The following PPFIA2 variants were observed in gnomAD, a reference collection of about 807,000 sequenced individuals.
PPFIA2 encodes liprin-alpha-2.
In PPFIA2, 46 loss-of-function variants were observed where a neutral mutation model predicts 175.5. The ratio of observed to expected loss-of-function variants is 0.26; its 90% CI spans 0.21 to 0.34. The LOEUF is 0.34. PPFIA2 is among the 10% of genes least tolerant of loss of function. The pLI, the probability that PPFIA2 is intolerant of heterozygous loss-of-function variation, is 1.00. For missense variants in PPFIA2, 1,179 were observed against 1,506.1 expected (o/e 0.78, Z 3.60); for synonymous variants, 568 against 511.4 (o/e 1.11, Z -1.49).
chr12:81,730,672 G>C (rs2080766284), intron 3 of PPFIA2, among the ~76,000 whole-genome samples: 1 of 151,464 alleles, frequency 6.6e-6, no homozygotes, highest in African/African-American at 2.4e-5. Flanking sequence ...CAAACACTTG[G>C]ACCAGAATTT....
At chr12:81,496,451 A>T (rs1438410566) in intron 4 of PPFIA2, among the ~76,000 whole-genome samples, 2 of 152,196 alleles carry the variant, frequency 1.3e-5, no homozygotes, top group Non-Finnish European at 2.9e-5. Context: ...TAATAGGAGA[A>T]AGTCCTCATG....
At chr12:81,326,109 A>T (rs2054702002) in intron 21 of PPFIA2, among the ~76,000 whole-genome samples, 3 of 152,186 alleles carry the variant, frequency 2.0e-5, no homozygotes, top group African/African-American at 7.2e-5. Context: ...CAGTGGCAAC[A>T]TAATAAATGT....
At chr12:81,386,328 G>T (rs2142063133) in intron 8 of PPFIA2, among the ~76,000 whole-genome samples, 1 of 149,950 alleles carries the variant, frequency 6.7e-6, no homozygotes, top group Middle Eastern at 3.4e-3. Flanking sequence ...AATAAGAAAA[G>T]AAAAGAAAGT....
intron 3 of PPFIA2, among the ~76,000 whole-genome samples, chr12:81,696,396 A>C (rs2075895564): frequency 6.6e-6 from 1 of 152,128 alleles, no homozygotes; most frequent in Non-Finnish European, 1.5e-5. Flanking sequence ...CTCATCATCC[A>C]GTCATGAAGA....
chr12:81,629,734 C>A (rs907590054), intron 4 of PPFIA2, among the ~76,000 whole-genome samples: 1 of 152,182 alleles, frequency 6.6e-6, no homozygotes, highest in African/African-American at 2.4e-5. Flanking sequence ...CCACTGCACC[C>A]TACATGGTCC....
At chr12:81,557,215 ACG>A (rs1491407027) in intron 4 of PPFIA2, among the ~76,000 whole-genome samples, 12 of 148,178 alleles carry the variant, frequency 8.1e-5, no homozygotes, top group African/African-American at 3.0e-4. Flanking sequence ...ACACACACAC[ACG>A]TATACATATA....
rs1313992469 is a variant in PPFIA2, at chr12:81,758,382, C to G, written c.-3+18G>C. 1 of 456,394 alleles carries G rather than the reference C, an allele frequency of 2.2e-6. No homozygotes were observed. Among genetic ancestry groups the G allele is most frequent in the East Asian group, 7.0e-5 (1 of 14,388 alleles). 28.3% of individuals were successfully genotyped at this position (456,394 alleles called of 1,614,324 possible). A position where few individuals can be genotyped will look rare whatever the true frequency, so the allele number is the denominator to read the frequency against. On this transcript the variant is annotated intron_variant, in intron 2 of 32. Coordinates refer to ENST00000549396, the MANE Select transcript of PPFIA2 (RefSeq NM_003625.5). ...TACAGCGAAAGGAGACAGTAAAACTCAAAGACAGCTTCTGTACCTAATGTC... is the reference window on the plus strand; with the variant it reads ...TACAGCGAAAGGAGACAGTAAAACTGAAAGACAGCTTCTGTACCTAATGTC...
chr12:81,454,108 A>G (rs979076119), intron 5 of PPFIA2, among the ~76,000 whole-genome samples: 1 of 152,090 alleles, frequency 6.6e-6, no homozygotes, highest in African/African-American at 2.4e-5. Flanking sequence ...AGTCCCAGCT[A>G]CTTGGGAGGC....
intron 4 of PPFIA2, among the ~76,000 whole-genome samples, chr12:81,503,025 A>C (rs2060755759): frequency 6.6e-6 from 1 of 152,062 alleles, no homozygotes; most frequent in African/African-American, 2.4e-5. Context: ...TTCACTTCAA[A>C]ACCAGACAAA....
intron 2 of PPFIA2, among the ~76,000 whole-genome samples, chr12:81,755,924 G>T (rs1161343530): frequency 6.6e-6 from 1 of 152,036 alleles, no homozygotes; most frequent in East Asian, 1.9e-4. Context: ...ACTGTTTCTT[G>T]CATTTATCTC....
chr12:81,623,812 G>A (rs930188217), intron 4 of PPFIA2, among the ~76,000 whole-genome samples: 1 of 151,694 alleles, frequency 6.6e-6, no homozygotes, highest in South Asian at 2.1e-4. Flanking sequence ...GGTCAAAAAG[G>A]GCAAATTTTA....
intron 4 of PPFIA2, among the ~76,000 whole-genome samples, chr12:81,560,706 C>A (rs1389954638): frequency 1.3e-5 from 2 of 151,970 alleles, no homozygotes; most frequent in Non-Finnish European, 2.9e-5. Flanking sequence ...GATTTATAAA[C>A]ACAGAAAAGC....
chr12:81,311,884 T>C (rs972073760), intron 22 of PPFIA2, among the ~76,000 whole-genome samples: 1 of 152,004 alleles, frequency 6.6e-6, no homozygotes, highest in African/African-American at 2.4e-5. Context: ...ACTTGAAAAC[T>C]AGAGGGAAGG....
intron 3 of PPFIA2, among the ~76,000 whole-genome samples, chr12:81,747,471 G>A (rs1371364818): frequency 3.5e-5 from 5 of 143,972 alleles, no homozygotes; most frequent in Non-Finnish European, 6.2e-5. Context: ...CTCTCAATTT[G>A]TGCTAGTGTT....
intron 23 of PPFIA2, among the ~76,000 whole-genome samples, chr12:81,297,171 C>T (rs2046668589): frequency 6.6e-6 from 1 of 152,138 alleles, no homozygotes; most frequent in African/African-American, 2.4e-5. Flanking sequence ...AGTGGATTCT[C>T]CCCAAGTCTA....
At chr12:81,360,557 T>C (rs998435810) in intron 15 of PPFIA2, among the ~76,000 whole-genome samples, 1 of 151,710 alleles carries the variant, frequency 6.6e-6, no homozygotes, top group African/African-American at 2.4e-5. Context: ...TTTTACTTTC[T>C]TCTTAGATGA....
At chr12:81,453,041 T>C (rs1016944473) in intron 5 of PPFIA2, among the ~76,000 whole-genome samples, 1 of 151,678 alleles carries the variant, frequency 6.6e-6, no homozygotes, top group African/African-American at 2.4e-5. Flanking sequence ...CATGTGCACA[T>C]TGTGCAGGTT....
intron 4 of PPFIA2, among the ~76,000 whole-genome samples, chr12:81,649,678 C>T (rs911534155): frequency 7.2e-5 from 11 of 152,134 alleles, no homozygotes; most frequent in Admixed American, 5.2e-4. Context: ...AAACAAACTG[C>T]GGTATATGTA....
chr12:81,717,182 T>C (rs1046080686), intron 3 of PPFIA2, among the ~76,000 whole-genome samples: 6 of 151,754 alleles, frequency 4.0e-5, no homozygotes, highest in African/African-American at 9.7e-5. Flanking sequence ...AAAGCAGTCA[T>C]ACACATTATA....
Sources: gnomAD v4.1 joint callset for allele counts (sites outside exome capture counted in the v4.1 genomes callset) on GRCh38, gnomAD v4.1.1 for gene constraint, MANE v1.5 for transcripts, NCBI Gene and HGNC (gene_info 2026-07-23, HGNC 2026-07-21) for gene names.